SLC17A1: variants seen among roughly 807,000 people sequenced by gnomAD.
SLC17A1 encodes the protein solute carrier family 17 member 1.
Under a neutral mutation model 53.5 loss-of-function variants are expected in SLC17A1, and 51 were observed. The observed-to-expected ratio is 0.95, with a 90% CI of 0.76 to 1.20. The LOEUF is 1.20. Ranked by LOEUF, SLC17A1 falls within the 50% of genes most tolerant of loss-of-function variation. SLC17A1 has a pLI of 0.00. For synonymous variants in SLC17A1, 179 were observed against 198.8 expected (o/e 0.90, Z 0.84); for missense variants, 538 against 568.2 (o/e 0.95, Z 0.54).
the SLC17A1 span, among the ~76,000 whole-genome samples, chr6:25,761,648 T>A: frequency 6.6e-6 from 1 of 152,178 alleles, no homozygotes; most frequent in African/African-American, 2.4e-5. Flanking sequence ...TTTAGAGACA[T>A]GGGAACACAG....
At chr6:25,759,037 C>T in the SLC17A1 span, among the ~76,000 whole-genome samples, 1 of 152,074 alleles carries the variant, frequency 6.6e-6, no homozygotes, top group Non-Finnish European at 1.5e-5. Flanking sequence ...TAATTTTCAT[C>T]TTGATTTCAT....
the SLC17A1 span, chr6:25,726,844 G>A: frequency 1.3e-6 from 2 of 1,535,674 alleles, no homozygotes; most frequent in Non-Finnish European, 1.8e-6. Context: ...GAGCTGTTGA[G>A]CACTGGAAAG....
chr6:25,803,705 A>T (rs1763861615), intron 10 of SLC17A1, among the ~76,000 whole-genome samples: 1 of 152,112 alleles, frequency 6.6e-6, no homozygotes, highest in Non-Finnish European at 1.5e-5. Context: ...TGTAAGGTAA[A>T]TATGATTAAC....
chr6:25,814,705 T>A (rs996983471), intron 6 of SLC17A1, among the ~76,000 whole-genome samples: 7 of 152,098 alleles, frequency 4.6e-5, no homozygotes, highest in South Asian at 4.1e-4. Flanking sequence ...CAGAATGGGC[T>A]GGGCATGGTG....
chr6:25,792,793 G>C (rs1441515990), intron 12 of SLC17A1, among the ~76,000 whole-genome samples: 1 of 152,014 alleles, frequency 6.6e-6, no homozygotes, highest in East Asian at 1.9e-4. Context: ...TGTCTGGCCT[G>C]CTGTACCTCC....
At chr6:25,726,067 T>C in the SLC17A1 span, 16 of 1,385,322 alleles carry the variant, frequency 1.2e-5, no homozygotes, top group Non-Finnish European at 1.6e-5. Flanking sequence ...AGACGGTAGG[T>C]GGCTCTGAAA....
the SLC17A1 span, chr6:25,732,569 C>T: frequency 1.4e-6 from 1 of 729,434 alleles, no homozygotes; most frequent in Admixed American, 2.1e-5. Context: ...GGGTCGGGGG[C>T]TGCACGCTAG....
intron 12 of SLC17A1, among the ~76,000 whole-genome samples, chr6:25,797,673 C>T (rs566938170): frequency 1.3e-5 from 2 of 151,548 alleles, no homozygotes; most frequent in African/African-American, 4.9e-5. Context: ...GATCTCGGCT[C>T]AATGCAACCT....
intron 2 of SLC17A1, among the ~76,000 whole-genome samples, chr6:25,829,931 A>G (rs2151511321): frequency 6.6e-6 from 1 of 152,316 alleles, no homozygotes; most frequent in Non-Finnish European, 1.5e-5. Context: ...CAATCAAAAT[A>G]ATTAAGTATC....
At chr6:25,763,345 A>G in the SLC17A1 span, among the ~76,000 whole-genome samples, 1 of 152,224 alleles carries the variant, frequency 6.6e-6, no homozygotes, top group Admixed American at 6.5e-5. Context: ...AATAAGGCAG[A>G]ACCCCAGCTA....
At chr6:25,817,971 A>T (rs1048194148) in intron 6 of SLC17A1, among the ~76,000 whole-genome samples, 3 of 152,172 alleles carry the variant, frequency 2.0e-5, no homozygotes, top group Admixed American at 1.3e-4. Flanking sequence ...AGGATGGAAG[A>T]CATGTTTTCA....
the SLC17A1 span, chr6:25,777,855 C>A: frequency 7.8e-7 from 1 of 1,283,452 alleles, no homozygotes; most frequent in South Asian, 1.2e-5. Flanking sequence ...ATTTGCCTCC[C>A]TCTCCCGGGT....
rs1371529739 is a variant in SLC17A1 at position 25,802,914 on chromosome 6, C to T, written c.1179-1934G>A. Among the ~76,000 whole-genome samples the T allele has an allele frequency of 3.7e-5, 5 of 133,732 alleles. No homozygotes were observed. The South Asian group carries it at 7.6e-4, about 20-fold the overall frequency. 87.7% of individuals were successfully genotyped at this position (133,732 alleles called of 152,430 possible). A position where few individuals can be genotyped will look rare whatever the true frequency, so the allele number is the denominator to read the frequency against. The stretch of plus-strand genomic sequence containing the variant: ...CCTATTATTTATTATTTATTTATGA[C>T]GTTTTAACGACTATCTTCTTCTTTT... On this transcript the variant is annotated intron_variant, in intron 10 of 12. Coordinates refer to ENST00000244527, the MANE Select transcript of SLC17A1 (RefSeq NM_005074.5).
downstream of SLC17A1, chr6:25,778,041 A>ATTCATGATGAATT: frequency 6.3e-7 from 1 of 1,590,344 alleles, no homozygotes; most frequent in Non-Finnish European, 8.6e-7. Context: ...TCTGATGAAT[A>ATTCATGATGAATT]TTCATAAAAG....
intron 12 of SLC17A1, among the ~76,000 whole-genome samples, chr6:25,798,429 A>T (rs1439590094): frequency 6.6e-6 from 1 of 152,240 alleles, no homozygotes; most frequent in Non-Finnish European, 1.5e-5. Flanking sequence ...TCTTGATATT[A>T]TAGCACTTGC....
At chr6:25,772,991 C>A in the SLC17A1 span, among the ~76,000 whole-genome samples, 2 of 152,156 alleles carry the variant, frequency 1.3e-5, no homozygotes, top group African/African-American at 4.8e-5. Flanking sequence ...CATAGTCTTC[C>A]AATAGCAGTG....
chr6:25,818,430 A>G (rs1764435756), intron 6 of SLC17A1, among the ~76,000 whole-genome samples: 1 of 152,082 alleles, frequency 6.6e-6, no homozygotes, highest in Non-Finnish European at 1.5e-5. Context: ...TCTCATACCT[A>G]CCTTTTTAAG....
chr6:25,747,833 G>A, the SLC17A1 span, among the ~76,000 whole-genome samples: 3 of 152,192 alleles, frequency 2.0e-5, no homozygotes, highest in African/African-American at 4.8e-5. Flanking sequence ...TCAGAATTGT[G>A]AGAAATACAT....
chr6:25,762,606 C>T, the SLC17A1 span, among the ~76,000 whole-genome samples: 3 of 152,142 alleles, frequency 2.0e-5, no homozygotes, highest in African/African-American at 4.8e-5. Context: ...AGGATATAGT[C>T]ATTTCATAAG....
Sources: gnomAD v4.1 joint callset for allele counts (sites outside exome capture counted in the v4.1 genomes callset) on GRCh38, gnomAD v4.1.1 for gene constraint, MANE v1.5 for transcripts, NCBI Gene and HGNC (gene_info 2026-07-23, HGNC 2026-07-21) for gene names.